Variants in NCKAP5 observed in about 807,000 individuals in gnomAD.
NCKAP5 encodes NCK associated protein 5, also known as nck-associated protein 5.
In NCKAP5, 92 loss-of-function variants were observed where a neutral mutation model predicts 167.0. That is an observed-to-expected ratio of 0.55 (90% CI 0.47 to 0.66). The LOEUF (loss-of-function observed/expected upper bound fraction) is 0.66. Ranked by LOEUF, NCKAP5 falls within the 30% of genes least tolerant of loss-of-function variation. The pLI, the probability that NCKAP5 is intolerant of heterozygous loss-of-function variation, is 0.00. For synonymous variants in NCKAP5, 891 were observed against 877.4 expected (o/e 1.02, Z -0.27); for missense variants, 2,378 against 2,315.0 (o/e 1.03, Z -0.56).
In NCKAP5 at chr2:133,091,670, G is replaced by A. The variant is rs540791228; in HGVS notation, c.341+38308C>T. Among the ~76,000 whole-genome samples, 67 of 152,196 alleles carry A rather than the reference G, an allele frequency of 4.4e-4. 1 individual carries two copies. Among genetic ancestry groups the A allele is most frequent in the African/African-American group, 1.5e-3 (61 of 41,528 alleles). The stretch of plus-strand genomic sequence containing the variant: ...TGGGAGGCCGAGGTGGGCAGACCAC[G>A]AGGTCAGGAGATCGAGACCATCCTG... On this transcript the variant is annotated intron_variant, in intron 6 of 19. Coordinates refer to ENST00000409261, the MANE Select transcript of NCKAP5 (RefSeq NM_207363.3).
chr2:132,956,772 C>T (rs763028279), intron 8 of NCKAP5, among the ~76,000 whole-genome samples: 19 of 152,114 alleles, frequency 1.2e-4, no homozygotes, highest in African/African-American at 2.2e-4. Flanking sequence ...TTGCCAGAGC[C>T]GAGGATGGAT....
At chr2:133,064,685 G>C (rs1206879801) in intron 6 of NCKAP5, among the ~76,000 whole-genome samples, 2 of 152,076 alleles carry the variant, frequency 1.3e-5, no homozygotes, top group Non-Finnish European at 2.9e-5. Context: ...GCTCTGGGTG[G>C]GGATACGCTT....
intron 2 of NCKAP5, among the ~76,000 whole-genome samples, chr2:133,531,729 A>G (rs1232655872): frequency 6.6e-6 from 1 of 152,074 alleles, no homozygotes; most frequent in African/African-American, 2.4e-5. Context: ...CAGATTGAGG[A>G]ATTTTTTTAT....
intron 3 of NCKAP5, 71 bp from the exon 4 acceptor site, chr2:133,303,181 T>G (rs1680525588): frequency 9.5e-7 from 1 of 1,048,876 alleles, no homozygotes; most frequent in South Asian, 1.4e-5. Flanking sequence ...CCTGACCTTA[T>G]CTCTACAAGG....
At position 132,812,210 on chromosome 2, in the gene NCKAP5, T is replaced by C. The variant is rs186781815; in HGVS notation, c.808-15481A>G. Among the ~76,000 whole-genome samples, 10 of 152,328 alleles carry C rather than the reference T, an allele frequency of 6.6e-5. No individual in the cohort carries two copies. The East Asian group carries it at 1.9e-3, about 29-fold the overall frequency. ...TGCTGGTTTGTTCTTGCAGTTGATCTGGAGCTAAAATTCATAATGCAAGCC... is the reference window on the plus strand; with the variant it reads ...TGCTGGTTTGTTCTTGCAGTTGATCCGGAGCTAAAATTCATAATGCAAGCC... On this transcript the variant is annotated intron_variant, in intron 11 of 19. Transcript: ENST00000409261.
chr2:132,918,891 CA>C, intron 8 of NCKAP5, among the ~76,000 whole-genome samples: 1 of 152,284 alleles, frequency 6.6e-6, no homozygotes, highest in African/African-American at 2.4e-5. Flanking sequence ...TACACATTGC[CA>C]AATATTGGGA....
In NCKAP5 at chr2:133,363,585, T is replaced by C. The variant is rs546420237; in HGVS notation, c.70-60475A>G. ...AGCATAGTGCTTCAAAGGCATCTAA[T>C]GAAATAATGTATGGGAAAGCTCCTT... On this transcript the variant is annotated intron_variant, in intron 3 of 19. Transcript: ENST00000409261. Among the ~76,000 whole-genome samples the C allele has an allele frequency of 5.9e-5, 9 of 152,338 alleles. No individual in the cohort carries two copies. The East Asian group carries it at 1.7e-3, about 29-fold the overall frequency.
chr2:132,724,869 T>C (rs1014316970), intron 19 of NCKAP5, among the ~76,000 whole-genome samples: 5 of 152,120 alleles, frequency 3.3e-5, no homozygotes, highest in Non-Finnish European at 5.9e-5. Flanking sequence ...TACTAGATTA[T>C]GTTTTTTCCC....
At chr2:133,162,155 G>A (rs2083817680) in intron 5 of NCKAP5, among the ~76,000 whole-genome samples, 1 of 152,136 alleles carries the variant, frequency 6.6e-6, no homozygotes, top group South Asian at 2.1e-4. Flanking sequence ...CATACCACCA[G>A]CCTTTGGAAA....
At chr2:132,908,015 C>T (rs1574591769) in intron 8 of NCKAP5, among the ~76,000 whole-genome samples, 2 of 152,112 alleles carry the variant, frequency 1.3e-5, no homozygotes, top group Admixed American at 6.5e-5. Context: ...TTGGTCAATG[C>T]TTTTGTTTAT....
intron 4 of NCKAP5, among the ~76,000 whole-genome samples, chr2:133,263,498 T>C (rs1199079749): frequency 6.6e-6 from 1 of 151,978 alleles, no homozygotes; most frequent in Non-Finnish European, 1.5e-5. Flanking sequence ...TAAAACTTCT[T>C]TGAACAAAAG....
intron 6 of NCKAP5, chr2:133,122,122 T>A (rs2082269551): frequency 6.6e-6 from 1 of 152,172 alleles, no homozygotes; most frequent in Non-Finnish European, 1.5e-5. Flanking sequence ...GTCCAGGACA[T>A]GAAAATATTC....
chr2:133,573,268 T>G (rs983399116), upstream of NCKAP5, among the ~76,000 whole-genome samples: 4 of 152,268 alleles, frequency 2.6e-5, no homozygotes, highest in African/African-American at 9.6e-5. Context: ...ACTGCTTTGA[T>G]GCATTTCATG....
intron 9 of NCKAP5, among the ~76,000 whole-genome samples, chr2:132,877,141 G>A (rs752298123): frequency 1.3e-5 from 2 of 152,056 alleles, no homozygotes; most frequent in Non-Finnish European, 2.9e-5. Flanking sequence ...ACTGGACCAC[G>A]AGCCCAGGGA....
intron 6 of NCKAP5, among the ~76,000 whole-genome samples, chr2:133,019,077 T>A (rs2078440034): frequency 6.6e-6 from 1 of 152,206 alleles, no homozygotes; most frequent in African/African-American, 2.4e-5. Flanking sequence ...TTCCTAATTC[T>A]TCTACTTTTC....
At chr2:133,587,628 T>A in the NCKAP5 span, among the ~76,000 whole-genome samples, 1 of 152,184 alleles carries the variant, frequency 6.6e-6, no homozygotes, top group Non-Finnish European at 1.5e-5. Flanking sequence ...ACAACATCAA[T>A]AAAGTGTTTG....
intron 19 of NCKAP5, among the ~76,000 whole-genome samples, chr2:132,720,570 C>G (rs1377721853): frequency 1.3e-5 from 2 of 152,136 alleles, no homozygotes; most frequent in Admixed American, 6.5e-5. Context: ...CTGTGACCAG[C>G]AGGGTGAGCA....
intron 11 of NCKAP5, among the ~76,000 whole-genome samples, chr2:132,811,315 G>A (rs1489562484): frequency 1.3e-5 from 2 of 152,112 alleles, no homozygotes; most frequent in South Asian, 2.1e-4. Context: ...AGCTGTGGGC[G>A]GGGCCCTAGA....
chr2:132,679,664 A>C (rs1684948694), intron 19 of NCKAP5, among the ~76,000 whole-genome samples: 1 of 152,190 alleles, frequency 6.6e-6, no homozygotes, highest in South Asian at 2.1e-4. Flanking sequence ...CAGAGCTTCC[A>C]TTTGGAAGCA....
Sources: gnomAD v4.1 joint callset for allele counts (sites outside exome capture counted in the v4.1 genomes callset) on GRCh38, gnomAD v4.1.1 for gene constraint, MANE v1.5 for transcripts, NCBI Gene and HGNC (gene_info 2026-07-23, HGNC 2026-07-21) for gene names.